Variants in FRMD6 observed in about 807,000 individuals in gnomAD.
The protein encoded by FRMD6 is FERM domain-containing protein 6.
Under a neutral mutation model 73.2 loss-of-function variants are expected in FRMD6, and 37 were observed. The observed-to-expected ratio is 0.51, with a 90% confidence interval of 0.39 to 0.66. FRMD6 has a LOEUF of 0.66. FRMD6 is among the 30% of genes least tolerant of loss of function. FRMD6 has a pLI of 0.00. For missense variants in FRMD6, 714 were observed against 780.5 expected, an observed-to-expected ratio of 0.91 and a Z score of 1.02; for synonymous variants, 273 against 282.2, an observed-to-expected ratio of 0.97 and a Z score of 0.33.
In FRMD6 at chr14:51,698,243, G is replaced by C. The variant is rs1896073014; in HGVS notation, c.190+11G>C. ...TCAGTGTTATACAAAGTAAGTCTTA[G>C]AGCCCTCTCTGATGGATTTAGCCAA... On this transcript the variant is annotated intron_variant, in intron 3 of 13. Coordinates refer to ENST00000344768, the MANE Select transcript of FRMD6 (RefSeq NM_001267046.2). 1.9e-6 allele frequency: 3 copies of C among 1,590,620 alleles called. 1 individual carries two copies. The African/African-American group carries it at 4.0e-5, about 21-fold the overall frequency.
the FRMD6 span, among the ~76,000 whole-genome samples, chr14:51,478,570 G>A: frequency 6.6e-6 from 1 of 152,190 alleles, no homozygotes; most frequent in Non-Finnish European, 1.5e-5. Flanking sequence ...ATCTGAAGTG[G>A]GAGGGAGGAG....
At chr14:51,440,462 C>T in the FRMD6 span, among the ~76,000 whole-genome samples, 323 of 152,196 alleles carry the variant, frequency 2.1e-3, no homozygotes, top group African/African-American at 7.2e-3. Context: ...ATCTTTATTC[C>T]AAAAATCAGA....
At chr14:51,648,603 T>A (rs1892185146), upstream of FRMD6, among the ~76,000 whole-genome samples, 1 of 152,214 alleles carries the variant, frequency 6.6e-6, no homozygotes, top group Admixed American at 6.5e-5. Flanking sequence ...CCTTCTCAGT[T>A]CACAGGGGAT....
chr14:51,613,868 C>T (rs545918179), intron 2 of FRMD6, among the ~76,000 whole-genome samples: 1 of 152,052 alleles, frequency 6.6e-6, no homozygotes, highest in East Asian at 1.9e-4. Context: ...TTAATATTAA[C>T]AATATATTTT....
At chr14:51,413,813 A>G in the FRMD6 span, among the ~76,000 whole-genome samples, 1 of 152,180 alleles carries the variant, frequency 6.6e-6, no homozygotes, top group South Asian at 2.1e-4. Context: ...CATCCTCTCC[A>G]GCATCTGTTG....
intron 1 of FRMD6, among the ~76,000 whole-genome samples, chr14:51,495,869 C>A (rs2140187095): frequency 6.6e-6 from 1 of 152,260 alleles, no homozygotes; most frequent in South Asian, 2.1e-4. Context: ...CCTTGGGGTT[C>A]TTGAAATAAA....
At chr14:51,539,789 C>G (rs1283658790) in intron 1 of FRMD6, among the ~76,000 whole-genome samples, 1 of 152,154 alleles carries the variant, frequency 6.6e-6, no homozygotes, top group Non-Finnish European at 1.5e-5. Flanking sequence ...TTGCAGATGA[C>G]TTCTTTGTCT....
At chr14:51,478,351 TGGC>T in the FRMD6 span, among the ~76,000 whole-genome samples, 1 of 152,202 alleles carries the variant, frequency 6.6e-6, no homozygotes, top group Non-Finnish European at 1.5e-5. Flanking sequence ...AGAAAAGCGC[TGGC>T]ATCAGTGAGA....
chr14:51,552,111 A>G (rs1431449572), intron 1 of FRMD6, among the ~76,000 whole-genome samples: 1 of 152,210 alleles, frequency 6.6e-6, no homozygotes, highest in East Asian at 1.9e-4. Flanking sequence ...ATTTTTGTGT[A>G]AATTTTGAGC....
At chr14:51,436,373 C>T in the FRMD6 span, 7 of 426,788 alleles carry the variant, frequency 1.6e-5, no homozygotes, top group South Asian at 2.4e-5. Flanking sequence ...GGGAGGAGGA[C>T]GAAGAGGCAG....
chr14:51,676,180 A>G (rs1894378168), intron 1 of FRMD6, among the ~76,000 whole-genome samples: 2 of 152,162 alleles, frequency 1.3e-5, no homozygotes, highest in Non-Finnish European at 2.9e-5. Flanking sequence ...CATCTTGGCC[A>G]GCACATTCTC....
At chr14:51,598,761 T>A (rs1427319772) in intron 2 of FRMD6, among the ~76,000 whole-genome samples, 1 of 152,200 alleles carries the variant, frequency 6.6e-6, no homozygotes, top group Non-Finnish European at 1.5e-5. Flanking sequence ...TATTCCATGG[T>A]GTATATATAA....
At chr14:51,650,391 G>GTTTTTTTTTTTT (rs11318703), upstream of FRMD6, 1 of 105,188 alleles carries the variant, frequency 9.5e-6, no homozygotes, top group Non-Finnish European at 1.9e-5. Flanking sequence ...GAGCAGGGCA[G>GTTTTTTTTTTTT]TTTTTTTTTT....
chr14:51,696,451 G>T (rs906265352), intron 2 of FRMD6, among the ~76,000 whole-genome samples: 2 of 151,380 alleles, frequency 1.3e-5, no homozygotes, highest in Non-Finnish European at 2.9e-5. Flanking sequence ...TATTGAGAAA[G>T]AAAATTGTAT....
At chr14:51,681,707 A>G (rs1052632397) in intron 1 of FRMD6, among the ~76,000 whole-genome samples, 3 of 152,202 alleles carry the variant, frequency 2.0e-5, no homozygotes, top group Admixed American at 2.0e-4. Flanking sequence ...GCCACTTACA[A>G]TTGTATAGTA....
At chr14:51,646,115 G>A (rs942199722) in intron 2 of FRMD6, among the ~76,000 whole-genome samples, 2 of 151,576 alleles carry the variant, frequency 1.3e-5, no homozygotes, top group East Asian at 2.0e-4. Context: ...TCAGGAGATC[G>A]ACACAATCCT....
At chr14:51,467,554 G>GC in the FRMD6 span, among the ~76,000 whole-genome samples, 1 of 151,354 alleles carries the variant, frequency 6.6e-6, no homozygotes. Context: ...GGGCAGAGGC[G>GC]CCCCCAACCT....
At chr14:51,446,111 C>T in the FRMD6 span, among the ~76,000 whole-genome samples, 606 of 152,230 alleles carry the variant, frequency 4.0e-3, 2 homozygotes, top group Non-Finnish European at 7.2e-3. Context: ...CACTGTCTTG[C>T]AGAAATTAGT....
In FRMD6 at chr14:51,622,229, G is replaced by A. The variant is rs1275986730; in HGVS notation, c.-147+51819G>A. The stretch of plus-strand genomic sequence containing the variant: ...CTATGTAAGAACATCTTGTAACTCA[G>A]CTAAAGATATTTTAGGAGTCCCAAA... On this transcript the variant is annotated intron_variant, in intron 2 of 14. Transcript: ENST00000356218. Among the ~76,000 whole-genome samples the A allele has an allele frequency of 3.3e-5, 5 of 152,194 alleles. No individual in the cohort carries two copies. The East Asian group carries it at 9.6e-4, about 29-fold the overall frequency.
Sources: gnomAD v4.1 joint callset for allele counts (sites outside exome capture counted in the v4.1 genomes callset) on GRCh38, gnomAD v4.1.1 for gene constraint, MANE v1.5 for transcripts, NCBI Gene and HGNC (gene_info 2026-07-23, HGNC 2026-07-21) for gene names.